Variants in MICAL3 observed in about 807,000 individuals in gnomAD.
The protein encoded by MICAL3 is [F-actin]-monooxygenase MICAL3.
In MICAL3, 62 loss-of-function variants were observed where a neutral mutation model predicts 207.4. The ratio of observed to expected loss-of-function variants is 0.30; its 90% CI spans 0.24 to 0.37. The LOEUF is 0.37. Ranked by LOEUF, MICAL3 falls within the 10% of genes least tolerant of loss-of-function variation. The pLI, the probability that MICAL3 is intolerant of heterozygous loss-of-function variation, is 1.00. For synonymous variants in MICAL3, 1,077 were observed against 1,069.3 expected, an observed-to-expected ratio of 1.01 and a Z score of -0.14; for missense variants, 2,368 against 2,635.6, an observed-to-expected ratio of 0.90 and a Z score of 2.22.
At chr22:17,872,767 G>A in intron 16 of MICAL3, 1 of 1,612,944 alleles carries the variant, frequency 6.2e-7, no homozygotes, top group Non-Finnish European at 8.5e-7. Context: ...TTGTCTAGAA[G>A]GGCTTTGGGT....
At chr22:17,808,977 C>G (rs778393722) in intron 28 of MICAL3, 40 bp from the exon 29 acceptor site, 1 of 1,512,756 alleles carries the variant, frequency 6.6e-7, no homozygotes, top group East Asian at 2.5e-5. Flanking sequence ...GGCTCTCCAG[C>G]CCTGCTTCAG....
At chr22:17,799,949 AACACACACACACACACACAC>A (rs3078144) in intron 29 of MICAL3, among the ~76,000 whole-genome samples, 1 of 146,712 alleles carries the variant, frequency 6.8e-6, no homozygotes, top group South Asian at 2.2e-4. Flanking sequence ...CTCACTCTAA[AACACACACACACACACACAC>A]ACACACACAC....
At chr22:18,003,717 C>T (rs1171011956) in intron 1 of MICAL3, among the ~76,000 whole-genome samples, 1 of 152,152 alleles carries the variant, frequency 6.6e-6, no homozygotes, top group Non-Finnish European at 1.5e-5. Context: ...CAGCTGGTCA[C>T]CCCACTGCCA....
chr22:17,968,372 G>T (rs1032535923), intron 1 of MICAL3, among the ~76,000 whole-genome samples: 1 of 152,128 alleles, frequency 6.6e-6, no homozygotes, highest in African/African-American at 2.4e-5. Context: ...CACAGGTGAG[G>T]ACACTCCACG....
chr22:17,842,280 G>C (rs1228592802), intron 19 of MICAL3: 4 of 522,566 alleles, frequency 7.7e-6, no homozygotes, highest in South Asian at 5.1e-5. Context: ...CCGGCCCCCA[G>C]AGGGGAGACG....
Position 17,892,182 on chromosome 22 carries a change from G to A in MICAL3, c.1547-550C>T, listed in dbSNP as rs189491244. Among the ~76,000 whole-genome samples, 10 of 152,262 alleles carry A rather than the reference G, an allele frequency of 6.6e-5. 1 individual carries two copies. In the East Asian group the frequency reaches 1.7e-3, roughly 26 times the overall value. Reference sequence around the variant, plus strand: ...CTGCAGGGCTCCGCTGACAACCCTGGGGCCCCAGACCAGACAGTCCCCGAA... The same window carrying A: ...CTGCAGGGCTCCGCTGACAACCCTGAGGCCCCAGACCAGACAGTCCCCGAA... On this transcript the variant is annotated intron_variant, in intron 11 of 31. Transcript: ENST00000441493.
intron 16 of MICAL3, chr22:17,876,997 TGAG>T (rs1928601826): frequency 8.0e-6 from 1 of 124,674 alleles, no homozygotes; most frequent in Non-Finnish European, 1.6e-5. Context: ...GTTAGGGAGG[TGAG>T]GGAGGTTATG....
chr22:17,931,683 G>C (rs1191722785), intron 1 of MICAL3, among the ~76,000 whole-genome samples: 1 of 152,216 alleles, frequency 6.6e-6, no homozygotes, highest in Non-Finnish European at 1.5e-5. Context: ...AAAGGGACAT[G>C]TGGAGGAAGG....
chr22:17,804,304 C>T (rs1039551235), intron 29 of MICAL3, among the ~76,000 whole-genome samples: 3 of 152,176 alleles, frequency 2.0e-5, no homozygotes, highest in Non-Finnish European at 4.4e-5. Flanking sequence ...AGGAGGCAAA[C>T]GTCCTACAGA....
chr22:17,875,845 A>G (rs1288393081), intron 16 of MICAL3, among the ~76,000 whole-genome samples: 1 of 152,116 alleles, frequency 6.6e-6, no homozygotes, highest in Non-Finnish European at 1.5e-5. Context: ...CTCCCTCTGA[A>G]TGGGTAAGGC....
At chr22:17,881,630 G>A (rs1471641404) in intron 16 of MICAL3, among the ~76,000 whole-genome samples, 2 of 152,150 alleles carry the variant, frequency 1.3e-5, no homozygotes, top group Non-Finnish European at 2.9e-5. Context: ...AGGGCAAACA[G>A]GCCAACCACT....
intron 1 of MICAL3, among the ~76,000 whole-genome samples, chr22:17,965,540 C>T (rs770286092): frequency 6.6e-6 from 1 of 152,204 alleles, no homozygotes; most frequent in Non-Finnish European, 1.5e-5. Flanking sequence ...ATAGTGTATT[C>T]ATCACTTACT....
At chr22:17,895,165 A>T in intron 10 of MICAL3, 119 bp downstream of exon 10, 1 of 1,018,316 alleles carries the variant, frequency 9.8e-7, no homozygotes, top group Non-Finnish European at 1.5e-6. Flanking sequence ...ATCTACCTGG[A>T]TGACTAAAAA....
At position 17,822,931 on chromosome 22, in the gene MICAL3, G is replaced by A. The variant is rs1040056399; in HGVS notation, c.3307+16C>T. 4.5e-6 allele frequency: 7 copies of A among 1,541,948 alleles called. No individual in the cohort carries two copies. The highest frequency in any genetic ancestry group is 1.1e-5 in the South Asian group (1 of 89,136). On this transcript the variant is annotated intron_variant, in intron 23 of 31. Transcript: ENST00000441493. ...CCTGAGCTCCCACCACAGGGGCGGGGAGGGCGGACCCCTACCATCATCCAG... is the reference window on the plus strand; with the variant it reads ...CCTGAGCTCCCACCACAGGGGCGGGAAGGGCGGACCCCTACCATCATCCAG...
intron 26 of MICAL3, 100 bp from the exon 27 acceptor site, chr22:17,816,884 G>A: frequency 1.1e-6 from 1 of 870,704 alleles, no homozygotes; most frequent in South Asian, 1.5e-5. Flanking sequence ...GCCGGGTGGG[G>A]GGCTGGATTC....
chr22:17,822,590 C>T, intron 23 of MICAL3, among the ~76,000 whole-genome samples: 1 of 152,340 alleles, frequency 6.6e-6, no homozygotes, highest in South Asian at 2.1e-4. Context: ...AGCTTGGGTT[C>T]TTCTCATTCT....
At chr22:17,904,869 C>A (rs746713703) in intron 2 of MICAL3, 30 bp from the exon 3 acceptor site, 1 of 1,511,100 alleles carries the variant, frequency 6.6e-7, no homozygotes, top group African/African-American at 1.4e-5. Context: ...TCAGGGCAGG[C>A]GGCACTTCCA....
intron 1 of MICAL3, among the ~76,000 whole-genome samples, chr22:17,962,480 G>C (rs1043650605): frequency 1.3e-5 from 2 of 152,180 alleles, no homozygotes; most frequent in African/African-American, 4.8e-5. Flanking sequence ...AGGAGGACAG[G>C]AGCCTTCAAA....
At position 17,816,679 on chromosome 22, in the gene MICAL3, T is replaced by G. The variant is rs980325072; in HGVS notation, c.5445+11A>C. 6.5e-7 allele frequency: 1 copy of G among 1,549,566 alleles called. No homozygotes were observed. The highest frequency in any genetic ancestry group is 1.4e-5 in the African/African-American group (1 of 73,048). Reference sequence around the variant, plus strand: ...CCCAGGCCCTGTGAAGCCCCCTGCCTGACTACCCACCTCTCGCCGGGACTT... The same window carrying G: ...CCCAGGCCCTGTGAAGCCCCCTGCCGGACTACCCACCTCTCGCCGGGACTT... On this transcript the variant is annotated intron_variant, in intron 27 of 31. Coordinates refer to ENST00000441493, the MANE Select transcript of MICAL3 (RefSeq NM_015241.3).
Sources: gnomAD v4.1 joint callset for allele counts (sites outside exome capture counted in the v4.1 genomes callset) on GRCh38, gnomAD v4.1.1 for gene constraint, MANE v1.5 for transcripts, NCBI Gene and HGNC (gene_info 2026-07-23, HGNC 2026-07-21) for gene names.